The following ZNF560 variants were observed in gnomAD, a reference collection of about 807,000 sequenced individuals.
ZNF560 encodes zinc finger protein 560.
ZNF560 carries 54 observed loss-of-function variants against 81.8 expected under a neutral mutation model. The observed-to-expected ratio is 0.66, with a 90% CI of 0.53 to 0.83. The LOEUF (loss-of-function observed/expected upper bound fraction) is 0.83. Among genes scored for constraint, ZNF560 ranks in the 40% least tolerant of loss-of-function variants. The pLI, the probability that ZNF560 is intolerant of heterozygous loss-of-function variation, is 0.00. For missense variants in ZNF560, 940 were observed against 932.4 expected (o/e 1.01, Z -0.11); for synonymous variants, 321 against 317.9 (o/e 1.01, Z -0.10).
At chr19:9,492,109 T>A (rs1244018212) in intron 2 of ZNF560, among the ~76,000 whole-genome samples, 3 of 151,868 alleles carry the variant, frequency 2.0e-5, no homozygotes, top group Non-Finnish European at 4.4e-5. Context: ...TGCTCCTGAG[T>A]AGCTAGGACT....
intron 2 of ZNF560, among the ~76,000 whole-genome samples, chr19:9,479,301 G>A (rs1454556462): frequency 6.6e-6 from 1 of 151,544 alleles, no homozygotes; most frequent in Non-Finnish European, 1.5e-5. Flanking sequence ...ATGGCCAAGT[G>A]GATTAAAAAA....
intron 2 of ZNF560, among the ~76,000 whole-genome samples, chr19:9,490,747 T>C (rs1410430104): frequency 6.6e-6 from 1 of 152,206 alleles, no homozygotes; most frequent in Non-Finnish European, 1.5e-5. Context: ...GAATATTGCT[T>C]GATCTATGTA....
rs779672396 is a variant in ZNF560 at position 9,470,486 on chromosome 19, C to T, written c.354G>A (p.Glu118=). ...GTAAAGTCCACTCTTCCTGGGTGAA[C>T]TCCACAGCCACACTGTCAAAGGTTA... is the stretch of plus-strand genomic sequence containing the variant. ...DLVTFDSVAV[E]FTQEEWTLLD... The change falls in exon 7 of 10, where the codon GAG becomes GAA. Residue 118 remains glutamate, a synonymous_variant. Transcript: ENST00000301480. The T allele has an allele frequency of 8.7e-6, 14 of 1,614,196 alleles. No homozygotes were observed. Among genetic ancestry groups the T allele is most frequent in the Non-Finnish European group, 6.8e-6 (8 of 1,180,044 alleles).
intron 2 of ZNF560, among the ~76,000 whole-genome samples, 175 bp from the exon 3 acceptor site, chr19:9,475,544 A>C (rs536277906): frequency 6.6e-6 from 1 of 152,286 alleles, no homozygotes; most frequent in East Asian, 1.9e-4. Flanking sequence ...AGCAAGAAAA[A>C]GGAATTGTGG....
chr19:9,500,149 C>T (rs142375417), upstream of ZNF560, among the ~76,000 whole-genome samples: 1,141 of 151,894 alleles, frequency 7.5e-3, 15 homozygotes, highest in African/African-American at 0.026. Flanking sequence ...TTTGGGAGGC[C>T]GAGGTGGGTG....
chr19:9,454,236 C>A, the ZNF560 span, among the ~76,000 whole-genome samples: 1 of 152,180 alleles, frequency 6.6e-6, no homozygotes, highest in Non-Finnish European at 1.5e-5. Context: ...CATGAGTTTA[C>A]TGTCAATAAA....
intron 5 of ZNF560, 94 bp downstream of exon 5, chr19:9,473,085 G>A (rs2073147365): frequency 5.2e-6 from 5 of 969,798 alleles, no homozygotes; most frequent in Non-Finnish European, 6.6e-6. Context: ...CCCAGTCTCA[G>A]GTATTTCTTT....
downstream of ZNF560, among the ~76,000 whole-genome samples, chr19:9,462,539 A>G (rs982875560): frequency 1.3e-5 from 2 of 152,224 alleles, no homozygotes; most frequent in Admixed American, 1.3e-4. Flanking sequence ...ATTTCTGTCT[A>G]TGTCTTTATT....
downstream of ZNF560, among the ~76,000 whole-genome samples, chr19:9,462,094 GC>G: frequency 6.6e-6 from 1 of 152,204 alleles, no homozygotes; most frequent in Admixed American, 6.5e-5. Flanking sequence ...TGCTTTTATT[GC>G]CCTGGTAAAA....
rs16980731 is a variant in ZNF560 at position 9,469,540 on chromosome 19, G to A, written c.529+90C>T. 12,835 of 1,175,218 alleles carry A rather than the reference G, an allele frequency of 0.011. 996 individuals are homozygous for A. The African/African-American group carries it at 0.17, about 15-fold the overall frequency. The allele number at this position is 1,175,218 out of a possible 1,614,324, so 72.8% of individuals were successfully genotyped here. A position where few individuals can be genotyped will look rare whatever the true frequency, so the allele number is the denominator to read the frequency against. ...ATCCAAGTCCAGTGGACAGCCTTCTGATTCAAAGGGCATCTTATAAAACTT... is the reference window on the plus strand; with the variant it reads ...ATCCAAGTCCAGTGGACAGCCTTCTAATTCAAAGGGCATCTTATAAAACTT... On this transcript the variant is annotated intron_variant, in intron 8 of 9. Coordinates refer to ENST00000301480, the MANE Select transcript of ZNF560 (RefSeq NM_152476.3).
At chr19:9,468,516 TG>T (rs1376103415) in intron 9 of ZNF560, among the ~76,000 whole-genome samples, 182 bp from the exon 10 acceptor site, 1 of 152,250 alleles carries the variant, frequency 6.6e-6, no homozygotes, top group African/African-American at 2.4e-5. Context: ...CTATGTCATC[TG>T]CTCTAATCTT....
the ZNF560 span, among the ~76,000 whole-genome samples, chr19:9,454,686 G>A: frequency 6.6e-6 from 1 of 152,144 alleles, no homozygotes; most frequent in Non-Finnish European, 1.5e-5. Context: ...TTCCGACTGA[G>A]GAAATATGGA....
intron 2 of ZNF560, among the ~76,000 whole-genome samples, chr19:9,475,613 T>G (rs1404466880): frequency 6.6e-6 from 1 of 151,848 alleles, no homozygotes; most frequent in East Asian, 1.9e-4. Flanking sequence ...GAAACTTTTT[T>G]TTTTTTTTTT....
chr19:9,495,507 A>T (rs1057146011), intron 2 of ZNF560, among the ~76,000 whole-genome samples: 3 of 152,148 alleles, frequency 2.0e-5, no homozygotes, highest in Non-Finnish European at 4.4e-5. Flanking sequence ...GGTGTTCAAG[A>T]CCAGCCTGGC....
At chr19:9,484,627 CAAAAAAA>C (rs60283585) in intron 2 of ZNF560, among the ~76,000 whole-genome samples, 2 of 79,730 alleles carry the variant, frequency 2.5e-5, no homozygotes, top group African/African-American at 7.6e-5. Context: ...ACCGAAAATA[CAAAAAAA>C]AAAAAAAAAA....
chr19:9,498,518 C>T lies in ZNF560; in HGVS notation c.-145+20G>A, dbSNP rs1039974810. 6.5e-6 allele frequency: 1 copy of T among 152,790 alleles called. No homozygotes were observed. The highest frequency in any genetic ancestry group is 2.4e-5 in the African/African-American group (1 of 41,592). 9.5% of individuals were successfully genotyped at this position (152,790 alleles called of 1,614,324 possible). A position where few individuals can be genotyped will look rare whatever the true frequency, so the allele number is the denominator to read the frequency against. ...ACCCCCCGAAACACCGCCCAACCCA[C>T]TAGTCCACACGAGCCTCACCAAAGT... is the stretch of plus-strand genomic sequence containing the variant. On this transcript the variant is annotated intron_variant, in intron 1 of 9. Transcript: ENST00000301480.
chr19:9,476,286 T>G (rs931747734), intron 2 of ZNF560, among the ~76,000 whole-genome samples: 12 of 150,328 alleles, frequency 8.0e-5, no homozygotes, highest in South Asian at 2.1e-4. Context: ...TGATGGTGGG[T>G]TTTTTTTTGT....
At chr19:9,471,182 T>C (rs2073114976) in intron 6 of ZNF560, 114 bp downstream of exon 6, 1 of 688,900 alleles carries the variant, frequency 1.5e-6, no homozygotes, top group Admixed American at 3.5e-5. Flanking sequence ...GAGACATTGC[T>C]CCCTCTTGAG....
chr19:9,491,745 G>C (rs1006603630), intron 2 of ZNF560, among the ~76,000 whole-genome samples: 1 of 125,738 alleles, frequency 8.0e-6, no homozygotes, highest in African/African-American at 3.7e-5. Context: ...AGAATCGCTT[G>C]GACCTGGGAG....
Sources: gnomAD v4.1 joint callset for allele counts (sites outside exome capture counted in the v4.1 genomes callset) on GRCh38, gnomAD v4.1.1 for gene constraint, MANE v1.5 for transcripts, NCBI Gene and HGNC (gene_info 2026-07-23, HGNC 2026-07-21) for gene names.